EBF3: variants seen among roughly 807,000 people sequenced by gnomAD.
The protein encoded by EBF3 is EBF transcription factor 3.
In EBF3, 18 loss-of-function variants were observed where a neutral mutation model predicts 77.1. That is an observed-to-expected ratio of 0.23 (90% CI 0.16 to 0.35). EBF3 has a LOEUF of 0.35. EBF3 is among the 10% of genes least tolerant of loss of function. EBF3 has a pLI of 1.00. For synonymous variants in EBF3, 350 were observed against 343.5 expected (o/e 1.02, Z -0.21); for missense variants, 558 against 860.0 (o/e 0.65, Z 4.39).
At chr10:129,919,510 C>G (rs1242175166) in intron 6 of EBF3, among the ~76,000 whole-genome samples, 2 of 152,138 alleles carry the variant, frequency 1.3e-5, no homozygotes, top group Admixed American at 6.5e-5. Context: ...AAGGGGCCAA[C>G]AACTTTCACT....
intron 11 of EBF3, among the ~76,000 whole-genome samples, chr10:129,843,597 C>T (rs532250743): frequency 3.9e-5 from 6 of 152,356 alleles, no homozygotes; most frequent in African/African-American, 1.4e-4. Context: ...CTGTTAATTC[C>T]TAGCACTTTA....
chr10:129,892,721 A>G (rs1854105054), intron 6 of EBF3, among the ~76,000 whole-genome samples: 1 of 152,224 alleles, frequency 6.6e-6, no homozygotes, highest in South Asian at 2.1e-4. Context: ...TGCACATTTT[A>G]TCTAATCAGA....
At chr10:129,941,564 C>G (rs929841221) in intron 6 of EBF3, among the ~76,000 whole-genome samples, 1 of 151,816 alleles carries the variant, frequency 6.6e-6, no homozygotes, top group African/African-American at 2.4e-5. Flanking sequence ...CCGGGCAGGC[C>G]AAAGGGTCAG....
chr10:129,920,933 A>G (rs560421753), intron 6 of EBF3, among the ~76,000 whole-genome samples: 180 of 152,142 alleles, frequency 1.2e-3, no homozygotes, highest in African/African-American at 4.0e-3. Context: ...CTCATCCTCA[A>G]AATGGGGATC....
At chr10:129,932,008 G>C (rs1857056882) in intron 6 of EBF3, among the ~76,000 whole-genome samples, 1 of 152,154 alleles carries the variant, frequency 6.6e-6, no homozygotes, top group African/African-American at 2.4e-5. Context: ...CAGCCACCCT[G>C]GAGAGCTAGG....
chr10:129,961,239 G>C (rs957595980), intron 4 of EBF3, among the ~76,000 whole-genome samples: 3 of 152,234 alleles, frequency 2.0e-5, no homozygotes. Flanking sequence ...GTGAAGTCCA[G>C]CTTGGAAGTA....
chr10:129,933,032 C>A (rs1589893537), intron 6 of EBF3, among the ~76,000 whole-genome samples: 1 of 151,896 alleles, frequency 6.6e-6, no homozygotes, highest in Admixed American at 6.6e-5. Flanking sequence ...AATAAAAAGA[C>A]CCAAAAATTA....
At chr10:129,927,844 T>TC (rs1856775066) in intron 6 of EBF3, among the ~76,000 whole-genome samples, 1 of 152,032 alleles carries the variant, frequency 6.6e-6, no homozygotes. Context: ...TGCACGATGC[T>TC]CCCCTCCTCT....
chr10:129,960,317 C>T (rs938985169), intron 4 of EBF3, among the ~76,000 whole-genome samples: 3 of 152,044 alleles, frequency 2.0e-5, no homozygotes, highest in Non-Finnish European at 1.5e-5. Context: ...AAAGCCCTTT[C>T]TGGTGAAAGC....
At chr10:129,853,739 C>A (rs1851054888) in intron 10 of EBF3, among the ~76,000 whole-genome samples, 1 of 152,182 alleles carries the variant, frequency 6.6e-6, no homozygotes, top group Non-Finnish European at 1.5e-5. Flanking sequence ...TTGCTCAATA[C>A]AAAGACATTC....
intron 7 of EBF3, among the ~76,000 whole-genome samples, chr10:129,875,348 A>G (rs1852698089): frequency 6.6e-6 from 1 of 151,860 alleles, no homozygotes; most frequent in Non-Finnish European, 1.5e-5. Context: ...AAGCACTGCC[A>G]CTGCACCTGG....
intron 10 of EBF3, among the ~76,000 whole-genome samples, chr10:129,856,243 A>C (rs1851243725): frequency 6.6e-6 from 1 of 152,212 alleles, no homozygotes; most frequent in Admixed American, 6.5e-5. Flanking sequence ...AATTTTGAAA[A>C]GCCAAAGTGA....
chr10:129,875,085 A>G (rs1168232289), intron 7 of EBF3, among the ~76,000 whole-genome samples: 1 of 152,126 alleles, frequency 6.6e-6, no homozygotes, highest in Non-Finnish European at 1.5e-5. Context: ...GTCACTGAAT[A>G]TAAAATAATT....
chr10:129,874,923 G>A (rs1253423568), intron 7 of EBF3, among the ~76,000 whole-genome samples: 1 of 152,142 alleles, frequency 6.6e-6, no homozygotes, highest in Non-Finnish European at 1.5e-5. Flanking sequence ...GGAAACCAGG[G>A]GGAGGGGCGC....
rs778023089 is a variant in EBF3 at position 129,963,751 on chromosome 10, C to T, written c.18G>A (p.Glu6=). 1 of 1,526,674 alleles carries T rather than the reference C, an allele frequency of 6.6e-7. No homozygotes were observed. Among genetic ancestry groups the T allele is most frequent in the Non-Finnish European group, 8.9e-7 (1 of 1,128,826 alleles). 94.6% of individuals were successfully genotyped at this position (1,526,674 alleles called of 1,614,324 possible). A position where few individuals can be genotyped will look rare whatever the true frequency, so the allele number is the denominator to read the frequency against. MFGIQ[E]NIPRGGTTMK... Reference sequence around the variant, plus strand: ...TGGTCGTCCCCCCGCGCGGAATATTCTCCTGAATCCCAAACATGAAAACTG... The same window carrying T: ...TGGTCGTCCCCCCGCGCGGAATATTTTCCTGAATCCCAAACATGAAAACTG... The change falls in exon 1 of 17, where the codon GAG becomes GAA. Residue 6 remains glutamate, a synonymous_variant. Transcript: ENST00000440978. The surrounding 1 kb of genome is among the most constrained non-coding windows in gnomAD (Gnocchi z 7.1).
At chr10:129,838,082 C>G in intron 16 of EBF3, 122 bp from the exon 17 acceptor site, 5 of 1,199,522 alleles carry the variant, frequency 4.2e-6, no homozygotes, top group Non-Finnish European at 6.0e-6. Context: ...TGCACAGTTC[C>G]GTCCACCAGC....
intron 6 of EBF3, among the ~76,000 whole-genome samples, chr10:129,882,644 T>G (rs1853289220): frequency 6.6e-6 from 1 of 152,222 alleles, no homozygotes; most frequent in African/African-American, 2.4e-5. Context: ...TATTGTAATG[T>G]GTGAAATAAT....
chr10:129,869,307 G>A (rs1299758523), intron 8 of EBF3, among the ~76,000 whole-genome samples: 1 of 152,134 alleles, frequency 6.6e-6, no homozygotes, highest in African/African-American at 2.4e-5. Context: ...CCCTTCCGTC[G>A]CTCACAGCAA....
At chr10:129,930,228 G>A (rs1856912079) in intron 6 of EBF3, among the ~76,000 whole-genome samples, 2 of 152,196 alleles carry the variant, frequency 1.3e-5, no homozygotes, top group Non-Finnish European at 1.5e-5. Flanking sequence ...CGTGATACCA[G>A]CATCCCAGGG....
Sources: allele counts gnomAD v4.1 joint callset (sites outside exome capture counted in the v4.1 genomes callset), GRCh38; gene constraint gnomAD v4.1.1; non-coding constraint Gnocchi (gnomAD v3.1); transcripts MANE v1.5; gene names NCBI Gene and HGNC (gene_info 2026-07-23, HGNC 2026-07-21).